The following EP300 variants were observed in gnomAD, a reference collection of about 807,000 sequenced individuals.
EP300 encodes histone acetyltransferase p300.
EP300 carries 31 observed loss-of-function variants against 264.0 expected under a neutral mutation model. That is an observed-to-expected ratio of 0.12 (90% CI 0.09 to 0.16). The LOEUF (loss-of-function observed/expected upper bound fraction) is 0.16. Ranked by LOEUF, EP300 falls within the 10% of genes least tolerant of loss-of-function variation. EP300 has a pLI of 1.00. For synonymous variants in EP300, 1,340 were observed against 1,045.4 expected, an observed-to-expected ratio of 1.28 and a Z score of -5.44; for missense variants, 2,766 against 3,052.9, an observed-to-expected ratio of 0.91 and a Z score of 2.21.
chr22:41,098,174 T>C (rs1010924938), intron 1 of EP300, among the ~76,000 whole-genome samples: 2 of 152,138 alleles, frequency 1.3e-5, no homozygotes. Context: ...TTTTTTAACA[T>C]TGAACTTCGC....
At chr22:41,147,730 T>TC (rs1039721977) in intron 11 of EP300, 107 bp from the exon 12 acceptor site, 2 of 833,310 alleles carry the variant, frequency 2.4e-6, no homozygotes, top group African/African-American at 3.4e-5. Flanking sequence ...AGAGCAAGAC[T>TC]CCGTCTCAAA....
intron 1 of EP300, among the ~76,000 whole-genome samples, chr22:41,099,974 T>C (rs374248863): frequency 2.0e-5 from 3 of 152,178 alleles, no homozygotes; most frequent in East Asian, 1.9e-4. Flanking sequence ...CCTGGCACTT[T>C]GGGAGATTGA....
intron 6 of EP300, 114 bp from the exon 7 acceptor site, chr22:41,135,699 G>A: frequency 1.3e-6 from 1 of 771,870 alleles, no homozygotes. Context: ...ATTATTTATT[G>A]TATATGCTGC....
intron 1 of EP300, among the ~76,000 whole-genome samples, chr22:41,111,124 C>T (rs1402613525): frequency 6.6e-6 from 1 of 151,968 alleles, no homozygotes; most frequent in African/African-American, 2.4e-5. Flanking sequence ...TGCCACCACG[C>T]GCAGCTAATT....
At chr22:41,145,297 T>C (rs1459627269) in intron 10 of EP300, among the ~76,000 whole-genome samples, 1 of 152,258 alleles carries the variant, frequency 6.6e-6, no homozygotes, top group Non-Finnish European at 1.5e-5. Context: ...ATATACTTCT[T>C]ATAAAGCTTG....
Position 41,151,701 on chromosome 22 carries a change from A to G in EP300, c.2818-132A>G, listed in dbSNP as rs531864515. ...GAGGTGAAATGGGCAGAGCAAATGA[A>G]AGCACCATGAATAAATATAAGCCAA... is the stretch of plus-strand genomic sequence containing the variant. On this transcript the variant is annotated intron_variant, in intron 14 of 30. Coordinates refer to ENST00000263253, the MANE Select transcript of EP300 (RefSeq NM_001429.4). The G allele has an allele frequency of 1.6e-4, 146 of 902,652 alleles. No homozygotes were observed. In the South Asian group the frequency reaches 2.0e-3, roughly 12 times the overall value. The allele number at this position is 902,652 out of a possible 1,614,324, so 55.9% of individuals were successfully genotyped here.
At chr22:41,168,639 A>T (rs372351608) in intron 24 of EP300, 40 bp downstream of exon 24, 1 of 1,614,182 alleles carries the variant, frequency 6.2e-7, no homozygotes, top group Non-Finnish European at 8.5e-7. Context: ...CGTGGATCCA[A>T]AATTGCTCAT....
At chr22:41,135,008 A>G (rs1487698612) in intron 6 of EP300, among the ~76,000 whole-genome samples, 1 of 152,088 alleles carries the variant, frequency 6.6e-6, no homozygotes, top group Non-Finnish European at 1.5e-5. Flanking sequence ...CCTGGGTTCA[A>G]GCGATGCTCC....
chr22:41,158,353 T>C (rs2059088968), intron 18 of EP300, 59 bp from the exon 19 acceptor site: 1 of 1,402,204 alleles, frequency 7.1e-7, no homozygotes, highest in Admixed American at 1.8e-5. Flanking sequence ...TTGCCATTCT[T>C]ACTGTTCTAG....
At position 41,153,910 on chromosome 22, in the gene EP300, A is replaced by G. The variant is rs2059061494; in HGVS notation, c.3143-1085A>G. Reference sequence around the variant, plus strand: ...GTGAAAATTATCTGAAGTAACAAATATACTCTACCGATGATGAAATTTTTT... The same window carrying G: ...GTGAAAATTATCTGAAGTAACAAATGTACTCTACCGATGATGAAATTTTTT... On this transcript the variant is annotated intron_variant, in intron 16 of 30. Coordinates refer to ENST00000263253, the MANE Select transcript of EP300 (RefSeq NM_001429.4). Among the ~76,000 whole-genome samples the G allele has an allele frequency of 2.6e-5, 4 of 152,066 alleles. No individual in the cohort carries two copies. The South Asian group carries it at 8.3e-4, about 32-fold the overall frequency.
At position 41,092,783 on chromosome 22, in the gene EP300, C is replaced by G; in HGVS notation, c.-222C>G. Reference sequence around the variant, plus strand: ...CTTGTGCCCTCCTCCGGGCTTGGGCCCAGGCCCGGCCCCTCGCACTTGCCC... The same window carrying G: ...CTTGTGCCCTCCTCCGGGCTTGGGCGCAGGCCCGGCCCCTCGCACTTGCCC... On this transcript the variant is annotated 5_prime_UTR_variant, in exon 1 of 31. Coordinates refer to ENST00000263253, the MANE Select transcript of EP300 (RefSeq NM_001429.4). The G allele has an allele frequency of 1.6e-6, 1 of 632,368 alleles. No individual in the cohort carries two copies. Among genetic ancestry groups the G allele is most frequent in the South Asian group, 1.9e-5 (1 of 53,800 alleles). 39.2% of individuals were successfully genotyped at this position (632,368 alleles called of 1,614,324 possible).
chr22:41,123,358 T>C (rs4822006), intron 2 of EP300, among the ~76,000 whole-genome samples: 92,588 of 152,036 alleles, frequency 0.61, 28,789 homozygotes, highest in East Asian at 0.81. Flanking sequence ...ACAGGAAATA[T>C]ATAAGATACC....
chr22:41,150,111 C>A lies in EP300; in HGVS notation c.2730C>A (p.Pro910=), dbSNP rs780271472. ...SLPAAPSADQ[P]QQQPRSQQST... ...CTGCTGCACCTTCTGCTGACCAGCCCCAGCAGCAGCCTCGCTCACAGCAGA... is the reference window on the plus strand; with the variant it reads ...CTGCTGCACCTTCTGCTGACCAGCCACAGCAGCAGCCTCGCTCACAGCAGA... Residue 910 remains proline (P), a synonymous_variant, in exon 14 of 31, where the codon CCC becomes CCA. Transcript: ENST00000263253. The A allele has an allele frequency of 6.2e-7, 1 of 1,613,180 alleles. No individual in the cohort carries two copies. Among genetic ancestry groups the A allele is most frequent in the Non-Finnish European group, 8.5e-7 (1 of 1,180,014 alleles).
chr22:41,153,654 GC>G (rs1359703637), intron 16 of EP300, among the ~76,000 whole-genome samples: 2 of 152,174 alleles, frequency 1.3e-5, no homozygotes, highest in East Asian at 1.9e-4. Context: ...GGAGGCTGAG[GC>G]AGAAGAATCA....
chr22:41,156,187 AT>A (rs912011236), intron 17 of EP300, among the ~76,000 whole-genome samples: 3 of 151,644 alleles, frequency 2.0e-5, no homozygotes, highest in African/African-American at 7.3e-5. Context: ...CTAATTTTGT[AT>A]TTTTAGTAGA....
intron 14 of EP300, among the ~76,000 whole-genome samples, chr22:41,151,422 A>G (rs1414764112): frequency 6.6e-6 from 1 of 152,198 alleles, no homozygotes. Flanking sequence ...CTGGGACATC[A>G]TTATATTTAT....
At chr22:41,155,365 A>G (rs2059071233) in intron 17 of EP300, among the ~76,000 whole-genome samples, 1 of 151,968 alleles carries the variant, frequency 6.6e-6, no homozygotes, top group Non-Finnish European at 1.5e-5. Flanking sequence ...AGTAGCTGGG[A>G]TAACTACATT....
chr22:41,116,889 G>A (rs377754294), intron 1 of EP300, among the ~76,000 whole-genome samples: 5 of 152,154 alleles, frequency 3.3e-5, no homozygotes, highest in South Asian at 2.1e-4. Context: ...GGCAAGCTCC[G>A]CCTCTACTAA....
chr22:41,180,062 CTGTG>C lies in EP300; in HGVS notation c.*1109_*1112del, dbSNP rs751920048. ...TTCTTATTACCTATTGTTAAATAAA[CTGTG>C]TGAGACAGACACCCTGACTTTGTTT... On this transcript the variant is annotated 3_prime_UTR_variant, in exon 31 of 31. Transcript: ENST00000263253. 1 of 229,832 alleles carries C rather than the reference CTGTG, an allele frequency of 4.4e-6. No individual in the cohort carries two copies. Among genetic ancestry groups the C allele is most frequent in the Non-Finnish European group, 8.6e-6 (1 of 115,664 alleles). 14.2% of individuals were successfully genotyped at this position (229,832 alleles called of 1,614,324 possible).
Sources: gnomAD v4.1 joint callset for allele counts (sites outside exome capture counted in the v4.1 genomes callset) on GRCh38, gnomAD v4.1.1 for gene constraint, MANE v1.5 for transcripts, NCBI Gene and HGNC (gene_info 2026-07-23, HGNC 2026-07-21) for gene names.